The following HRH1 variants were observed in gnomAD, a reference collection of about 807,000 sequenced individuals.
HRH1 encodes histamine H1 receptor.
A neutral mutation model predicts 10.3 loss-of-function variants in HRH1; 6 were observed. That is an observed-to-expected ratio of 0.58 (90% CI 0.32 to 1.15). HRH1 has a LOEUF of 1.15. Ranked by LOEUF, HRH1 falls within the 50% of genes most tolerant of loss-of-function variation. The pLI is 0.05. For synonymous variants in HRH1, 242 were observed against 236.7 expected (o/e 1.02, Z -0.21); for missense variants, 514 against 615.3 (o/e 0.84, Z 1.74).
chr3:11,182,228 C>T (rs752035612), intron 1 of HRH1, among the ~76,000 whole-genome samples: 24 of 152,170 alleles, frequency 1.6e-4, no homozygotes, highest in Admixed American at 3.3e-4. Flanking sequence ...TGATCCACCC[C>T]GCCTTGGCCT....
intron 1 of HRH1, among the ~76,000 whole-genome samples, chr3:11,180,542 C>T (rs1937332408): frequency 1.3e-5 from 2 of 152,134 alleles, no homozygotes; most frequent in African/African-American, 2.4e-5. Flanking sequence ...TGCTGTGTGG[C>T]CCGGTTCCTA....
At chr3:11,253,505 G>A (rs73121700) in intron 1 of HRH1, among the ~76,000 whole-genome samples, 2,187 of 152,234 alleles carry the variant, frequency 0.014, 57 homozygotes, top group African/African-American at 0.05. Context: ...CTAGGCCAGC[G>A]TATTTTTCTC....
chr3:11,182,785 G>T (rs952575005), intron 1 of HRH1, among the ~76,000 whole-genome samples: 1 of 152,124 alleles, frequency 6.6e-6, no homozygotes, highest in Non-Finnish European at 1.5e-5. Context: ...TTTCACAGAG[G>T]TATAGAAACT....
chr3:11,211,569 C>G (rs927814113), intron 1 of HRH1, among the ~76,000 whole-genome samples: 1 of 152,202 alleles, frequency 6.6e-6, no homozygotes, highest in East Asian at 1.9e-4. Context: ...GTATCCAAGA[C>G]CCAGGGCAGC....
At chr3:11,182,484 A>G (rs1937377061) in intron 1 of HRH1, among the ~76,000 whole-genome samples, 1 of 152,198 alleles carries the variant, frequency 6.6e-6, no homozygotes, top group Non-Finnish European at 1.5e-5. Flanking sequence ...GCCTCCAGAT[A>G]TCATCCAGTC....
In HRH1 at chr3:11,235,307, A is replaced by G. The variant is rs546035358; in HGVS notation, c.-35-23696A>G. On this transcript the variant is annotated intron_variant, in intron 1 of 1. Transcript: ENST00000431010. The stretch of plus-strand genomic sequence containing the variant: ...ATATGGAAATTTTAGGTATTATAAG[A>G]CCTAGGATCATATTTAAATCTCCTG... Among the ~76,000 whole-genome samples the G allele has an allele frequency of 5.3e-5, 8 of 152,266 alleles. No individual in the cohort carries two copies. In the South Asian group the frequency reaches 1.7e-3, roughly 32 times the overall value.
intron 1 of HRH1, among the ~76,000 whole-genome samples, chr3:11,235,331 TG>T: frequency 6.6e-6 from 1 of 152,240 alleles, no homozygotes; most frequent in East Asian, 1.9e-4. Flanking sequence ...TTAAATCTCC[TG>T]ATTTATCTGC....
At chr3:11,147,312 A>T (rs1196388761) in intron 1 of HRH1, among the ~76,000 whole-genome samples, 5 of 152,202 alleles carry the variant, frequency 3.3e-5, no homozygotes, top group Admixed American at 2.0e-4. Context: ...CCTTAAAGAA[A>T]GGGAGAGAAA....
upstream of HRH1, among the ~76,000 whole-genome samples, chr3:11,153,311 A>T (rs1429119501): frequency 1.3e-5 from 2 of 152,166 alleles, no homozygotes; most frequent in Non-Finnish European, 2.9e-5. Context: ...AGCATCTGAC[A>T]CAATGGCCCC....
At chr3:11,164,347 A>G (rs550526173) in intron 1 of HRH1, among the ~76,000 whole-genome samples, 93 of 152,300 alleles carry the variant, frequency 6.1e-4, no homozygotes, top group African/African-American at 2.1e-3. Context: ...TGAAGAACGA[A>G]GGGAGGGATT....
At chr3:11,197,858 A>G (rs1392224378) in intron 1 of HRH1, among the ~76,000 whole-genome samples, 2 of 152,290 alleles carry the variant, frequency 1.3e-5, no homozygotes, top group Admixed American at 1.3e-4. Context: ...CTGAGGAAAG[A>G]CCACATTTGG....
chr3:11,188,794 A>G (rs919217931), intron 1 of HRH1, among the ~76,000 whole-genome samples: 2 of 152,224 alleles, frequency 1.3e-5, no homozygotes, highest in African/African-American at 4.8e-5. Flanking sequence ...AGTGAAAAGT[A>G]GAGGATATAA....
chr3:11,164,528 T>G (rs1029842006), intron 1 of HRH1, among the ~76,000 whole-genome samples: 7 of 152,132 alleles, frequency 4.6e-5, no homozygotes, highest in African/African-American at 1.7e-4. Flanking sequence ...TTGTTTTGTT[T>G]TGTTTTGTTT....
At chr3:11,175,397 C>A (rs6794593) in intron 1 of HRH1, among the ~76,000 whole-genome samples, 20,878 of 152,054 alleles carry the variant, frequency 0.14, 2,565 homozygotes, top group African/African-American at 0.33. Context: ...GCCTATATCC[C>A]AGGGGAAATG....
chr3:11,155,124 A>G (rs1427231999), intron 1 of HRH1, among the ~76,000 whole-genome samples: 4 of 152,188 alleles, frequency 2.6e-5, no homozygotes, highest in Non-Finnish European at 4.4e-5. Context: ...TCACTTGAAT[A>G]CACTGAGGTA....
chr3:11,166,585 T>G (rs1937037017), intron 1 of HRH1, among the ~76,000 whole-genome samples: 1 of 150,080 alleles, frequency 6.7e-6, no homozygotes, highest in Non-Finnish European at 1.5e-5. Context: ...TCCAGGCCCA[T>G]GACATCTGCT....
chr3:11,205,488 A>G (rs1045733120), intron 1 of HRH1, among the ~76,000 whole-genome samples: 4 of 152,124 alleles, frequency 2.6e-5, no homozygotes, highest in African/African-American at 9.7e-5. Flanking sequence ...TCCTCTCTGA[A>G]CTGGGATAAC....
chr3:11,197,286 C>T (rs955297114), intron 1 of HRH1, among the ~76,000 whole-genome samples: 6 of 152,130 alleles, frequency 3.9e-5, no homozygotes, highest in Admixed American at 6.6e-5. Flanking sequence ...TGATTTCTTT[C>T]GATTTATAAT....
chr3:11,170,804 T>A (rs1463297862), intron 1 of HRH1, among the ~76,000 whole-genome samples: 1 of 152,112 alleles, frequency 6.6e-6, no homozygotes, highest in Non-Finnish European at 1.5e-5. Context: ...TTCAGCTAAG[T>A]AAGGTGAGAA....
Sources: allele counts gnomAD v4.1 joint callset (sites outside exome capture counted in the v4.1 genomes callset), GRCh38; gene constraint gnomAD v4.1.1; transcripts MANE v1.5; gene names NCBI Gene and HGNC (gene_info 2026-07-23, HGNC 2026-07-21).